NAPA: variants seen among roughly 807,000 people sequenced by gnomAD.
NAPA encodes NSF attachment protein alpha, also known as alpha-soluble NSF attachment protein.
A neutral mutation model predicts 48.0 loss-of-function variants in NAPA; 18 were observed. That is an observed-to-expected ratio of 0.38 (90% CI 0.26 to 0.56). The LOEUF (loss-of-function observed/expected upper bound fraction) is 0.56. Ranked by LOEUF, NAPA falls within the 20% of genes least tolerant of loss-of-function variation. The probability of loss-of-function intolerance (pLI) is 0.77; values close to 1 mark genes in which losing one functional copy is unlikely to be tolerated. For synonymous variants in NAPA, 152 were observed against 149.9 expected (o/e 1.01, Z -0.10); for missense variants, 315 against 385.0 (o/e 0.82, Z 1.52).
chr19:47,514,878 C>T lies in NAPA; in HGVS notation c.63G>A (p.Val21=). 2 of 1,614,084 alleles carry T rather than the reference C, an allele frequency of 1.2e-6. No homozygotes were observed. The highest frequency in any genetic ancestry group is 2.7e-5 in the African/African-American group (2 of 75,084). ...MALLAEAERK[V]KNSQSFFSGL... ...CAGAGAAGAAGGACTGCGAGTTCTT[C>T]ACTTTGCGCTCCGCCTCGGCCAACA... Residue 21 remains valine (V), a synonymous_variant, in exon 1 of 11, where the codon GTG becomes GTA. Coordinates refer to ENST00000263354, the MANE Select transcript of NAPA (RefSeq NM_003827.4).
chr19:47,509,882 C>T (rs1257214426), intron 1 of NAPA, among the ~76,000 whole-genome samples: 1 of 152,220 alleles, frequency 6.6e-6, no homozygotes, highest in Non-Finnish European at 1.5e-5. Flanking sequence ...TCACCACAGA[C>T]CAAGGGCGAA....
intron 2 of NAPA, among the ~76,000 whole-genome samples, chr19:47,502,575 ACCACCAGGTTCCCTCTCCT>A (rs1157002449): frequency 1.3e-5 from 2 of 152,212 alleles, no homozygotes; most frequent in African/African-American, 4.8e-5. Context: ...CCATGGTCCC[ACCACCAGGTTCCCTCTCCT>A]CCACAGTCAG....
intron 1 of NAPA, among the ~76,000 whole-genome samples, chr19:47,507,476 G>A (rs1279894435): frequency 2.0e-5 from 3 of 152,154 alleles, no homozygotes; most frequent in Non-Finnish European, 4.4e-5. Flanking sequence ...AGCTCCCGAA[G>A]GACCTCACGA....
rs192061399 is a variant in NAPA at position 47,489,643 on chromosome 19, G to A, written c.786+68C>T. ...GGTGAATGTCATGGAGAGCGTGTCT[G>A]AGAAGGGCAGCTTTCCTAGGAGACC... On this transcript the variant is annotated intron_variant, in intron 10 of 10. Coordinates refer to ENST00000263354, the MANE Select transcript of NAPA (RefSeq NM_003827.4). 4.9e-3 allele frequency: 7,589 copies of A among 1,555,370 alleles called. 26 individuals carry two copies. Among genetic ancestry groups the A allele is most frequent in the Middle Eastern group, 0.012 (72 of 5,852 alleles).
At chr19:47,509,218 G>A (rs893973901) in intron 1 of NAPA, among the ~76,000 whole-genome samples, 2 of 151,634 alleles carry the variant, frequency 1.3e-5, no homozygotes, top group Non-Finnish European at 2.9e-5. Flanking sequence ...ATTACACAAA[G>A]GAAGAGAAAT....
rs538542593 is a variant in NAPA at position 47,509,792 on chromosome 19, A to T, written c.98+5051T>A. Among the ~76,000 whole-genome samples, 4 of 152,306 alleles carry T rather than the reference A, an allele frequency of 2.6e-5. No individual in the cohort carries two copies. In the South Asian group the frequency reaches 8.3e-4, roughly 32 times the overall value. ...GCTCAGAGCCAGGATCTCACCTGCC[A>T]CACGGCACACAGCCTGGCAGGCGCC... On this transcript the variant is annotated intron_variant, in intron 1 of 10. Coordinates refer to ENST00000263354, the MANE Select transcript of NAPA (RefSeq NM_003827.4).
At chr19:47,491,480 A>G (rs2122728497) in intron 8 of NAPA, 1 of 154,398 alleles carries the variant, frequency 6.5e-6, no homozygotes, top group Middle Eastern at 3.4e-3. Context: ...AACTCCGGCC[A>G]AGCAAAATCT....
chr19:47,503,499 G>A lies in NAPA; in HGVS notation c.102C>T (p.Gly34=). Residue 34 remains glycine (G), a synonymous_variant, in exon 2 of 11, where the codon GGC becomes GGT. Coordinates refer to ENST00000263354, the MANE Select transcript of NAPA (RefSeq NM_003827.4). ...CGCATGCTTCCTCTATTTTGGATGA[G>A]CCTCTGGGGAAAAAGGAAAGAAAAA... is the stretch of plus-strand genomic sequence containing the variant. ...SQSFFSGLFG[G]SSKIEEACEI... 1.2e-6 allele frequency: 2 copies of A among 1,614,122 alleles called. No homozygotes were observed.
Position 47,493,553 on chromosome 19 carries a change from T to C in NAPA, c.343-60A>G, listed in dbSNP as rs533421807. The stretch of plus-strand genomic sequence containing the variant: ...CATGACCTCCTGCGTGCCTGCCTGC[T>C]GACCTATGACCCTTCAAGTTCCCAC... On this transcript the variant is annotated intron_variant, in intron 4 of 10. Transcript: ENST00000263354. The surrounding 1 kb of genome is among the most constrained non-coding windows in gnomAD (Gnocchi z 6.4). The C allele has an allele frequency of 8.9e-6, 13 of 1,466,486 alleles. No homozygotes were observed. In the Admixed American group the frequency reaches 2.0e-4, roughly 23 times the overall value. The allele number at this position is 1,466,486 out of a possible 1,614,324, so 90.8% of individuals were successfully genotyped here. A position where few individuals can be genotyped will look rare whatever the true frequency, so the allele number is the denominator to read the frequency against.
chr19:47,488,236 TCTCTCTGAGCAG>T lies in NAPA; in HGVS notation c.*40_*51del. The T allele has an allele frequency of 6.6e-7, 1 of 1,513,174 alleles. No individual in the cohort carries two copies. Among genetic ancestry groups the T allele is most frequent in the Admixed American group, 1.8e-5 (1 of 55,848 alleles). 93.7% of individuals were successfully genotyped at this position (1,513,174 alleles called of 1,614,324 possible). The stretch of plus-strand genomic sequence containing the variant: ...CTCTCCAGCAAGTCTCGGCCCCACC[TCTCTCTGAGCAG>T]ATGGGACAGGAAGACGGGCACTGGG... On this transcript the variant is annotated 3_prime_UTR_variant, in exon 11 of 11. Coordinates refer to ENST00000263354, the MANE Select transcript of NAPA (RefSeq NM_003827.4).
chr19:47,495,803 A>C (rs755326292), intron 3 of NAPA: 38 of 583,182 alleles, frequency 6.5e-5, no homozygotes, highest in Non-Finnish European at 9.5e-5. Flanking sequence ...GAGAGGGCTG[A>C]CTCTGCAGAC....
intron 3 of NAPA, among the ~76,000 whole-genome samples, chr19:47,498,454 C>A (rs938510986): frequency 2.0e-5 from 3 of 152,228 alleles, no homozygotes; most frequent in African/African-American, 7.2e-5. Context: ...TCACAGCAGT[C>A]TCTGCTTTAA....
intron 8 of NAPA, 78 bp downstream of exon 8, chr19:47,491,937 C>CGG (rs1968277472): frequency 2.3e-6 from 3 of 1,321,002 alleles, no homozygotes; most frequent in Non-Finnish European, 3.2e-6. Flanking sequence ...CGTCCCTCTT[C>CGG]GGGGGCAACG....
chr19:47,500,322 G>A (rs564459195), intron 3 of NAPA, among the ~76,000 whole-genome samples: 41 of 152,216 alleles, frequency 2.7e-4, no homozygotes, highest in Admixed American at 9.8e-4. Flanking sequence ...CTCTCTCCCC[G>A]GCAGGCGGTG....
intron 1 of NAPA, among the ~76,000 whole-genome samples, chr19:47,504,178 G>T (rs1035537354): frequency 6.6e-6 from 1 of 152,050 alleles, no homozygotes; most frequent in African/African-American, 2.4e-5. Context: ...CGGATTGCTT[G>T]AGCTCAAGAG....
At chr19:47,487,530 C>G (rs1347150635), downstream of NAPA, 1 of 152,320 alleles carries the variant, frequency 6.6e-6, no homozygotes, top group Non-Finnish European at 1.5e-5. Flanking sequence ...ATGCATGCGC[C>G]TGACCTCCCA....
chr19:47,505,994 C>CTTTTT (rs760461648), intron 1 of NAPA, among the ~76,000 whole-genome samples: 1 of 126,938 alleles, frequency 7.9e-6, no homozygotes. Flanking sequence ...GGAGTGACTT[C>CTTTTT]TTTTTTTTTT....
chr19:47,494,735 C>CCA (rs1227116903), intron 4 of NAPA, among the ~76,000 whole-genome samples: 4 of 67,206 alleles, frequency 6.0e-5, no homozygotes, highest in Non-Finnish European at 1.1e-4. Context: ...AACTCTGTCT[C>CCA]AAAAAAAAAA....
intron 1 of NAPA, among the ~76,000 whole-genome samples, chr19:47,514,330 C>T (rs956837556): frequency 1.3e-5 from 2 of 152,126 alleles, no homozygotes; most frequent in Non-Finnish European, 2.9e-5. Flanking sequence ...CGCAAATCCA[C>T]TGCTCCAGGG....
Sources: allele counts gnomAD v4.1 joint callset (sites outside exome capture counted in the v4.1 genomes callset), GRCh38; gene constraint gnomAD v4.1.1; non-coding constraint Gnocchi (gnomAD v3.1); transcripts MANE v1.5; gene names NCBI Gene and HGNC (gene_info 2026-07-23, HGNC 2026-07-21).